Variants in TBC1D9 observed in about 807,000 individuals in gnomAD.
TBC1D9 encodes TBC1 domain family member 9.
Under a neutral mutation model 132.0 loss-of-function variants are expected in TBC1D9, and 63 were observed. That is an observed-to-expected ratio of 0.48 (90% CI 0.39 to 0.59). The LOEUF is 0.59. Among genes scored for constraint, TBC1D9 ranks in the 20% least tolerant of loss-of-function variants. The pLI is 0.00. For synonymous variants in TBC1D9, 610 were observed against 609.9 expected, an observed-to-expected ratio of 1.00 and a Z score of 0.00; for missense variants, 1,261 against 1,592.7, an observed-to-expected ratio of 0.79 and a Z score of 3.54.
chr4:140,730,741 A>G (rs1238414606), intron 1 of TBC1D9, among the ~76,000 whole-genome samples: 1 of 152,166 alleles, frequency 6.6e-6, no homozygotes, highest in Non-Finnish European at 1.5e-5. Context: ...AACAAAAATA[A>G]AAACAAACAA....
At chr4:140,742,861 G>A (rs1055975601) in intron 1 of TBC1D9, among the ~76,000 whole-genome samples, 3 of 151,428 alleles carry the variant, frequency 2.0e-5, no homozygotes, top group African/African-American at 4.8e-5. Context: ...AAGAAAGAAG[G>A]TGCAGGGGCA....
intron 1 of TBC1D9, among the ~76,000 whole-genome samples, chr4:140,745,228 G>A (rs1044478657): frequency 3.3e-5 from 5 of 152,196 alleles, no homozygotes; most frequent in African/African-American, 1.2e-4. Flanking sequence ...TTGAGAATGT[G>A]CCTTGGACCA....
chr4:140,686,948 C>G (rs1396434167), intron 2 of TBC1D9, among the ~76,000 whole-genome samples: 1 of 152,018 alleles, frequency 6.6e-6, no homozygotes, highest in African/African-American at 2.4e-5. Flanking sequence ...TCACTCACTT[C>G]AATTATGAAT....
At chr4:140,711,866 A>G (rs1389158493) in intron 1 of TBC1D9, among the ~76,000 whole-genome samples, 6 of 152,220 alleles carry the variant, frequency 3.9e-5, no homozygotes, top group African/African-American at 1.2e-4. Context: ...AGAATACAAA[A>G]CTAAATATGA....
chr4:140,681,506 T>C (rs1737702372), intron 3 of TBC1D9, among the ~76,000 whole-genome samples: 2 of 152,192 alleles, frequency 1.3e-5, no homozygotes, highest in Admixed American at 6.5e-5. Context: ...AAAGTAAGCA[T>C]GTAGACAATA....
intron 9 of TBC1D9, 37 bp from the exon 10 acceptor site, chr4:140,662,144 G>A (rs774424787): frequency 2.6e-6 from 4 of 1,547,052 alleles, no homozygotes; most frequent in South Asian, 2.2e-5. Flanking sequence ...TCAAAAACGT[G>A]AGAGCTCTGC....
At chr4:140,733,812 C>T in intron 1 of TBC1D9, among the ~76,000 whole-genome samples, 1 of 152,138 alleles carries the variant, frequency 6.6e-6, no homozygotes, top group East Asian at 1.9e-4. Flanking sequence ...AAGCAATAGT[C>T]ATTCTGTTTC....
In TBC1D9 at chr4:140,743,954, G is replaced by A. The variant is rs373433834; in HGVS notation, c.130+11962C>T. On this transcript the variant is annotated intron_variant, in intron 1 of 20. Transcript: ENST00000442267. ...TTTTCTTGCCTAGTTTTTGTGGCCA[G>A]TTTACAAACACCCAGAAGTTGTTAA... 5.3e-5 allele frequency among the ~76,000 whole-genome samples: 8 copies of A among 152,102 alleles called. No individual in the cohort carries two copies. In the East Asian group the frequency reaches 9.6e-4, roughly 18 times the overall value.
Position 140,679,608 on chromosome 4 carries a change from G to C in TBC1D9, c.589+7C>G, listed in dbSNP as rs1737675151. Reference sequence around the variant, plus strand: ...AAAGTTTCCTGCTGAAATTTTAGATGACTTACCTTCCCTTCCCATAAGAAA... The same window carrying C: ...AAAGTTTCCTGCTGAAATTTTAGATCACTTACCTTCCCTTCCCATAAGAAA... On this transcript the variant is annotated splice_region_variant and intron_variant, in intron 4 of 20. Transcript: ENST00000442267. 6.2e-7 allele frequency: 1 copy of C among 1,605,558 alleles called. No homozygotes were observed. Among genetic ancestry groups the C allele is most frequent in the Non-Finnish European group, 8.5e-7 (1 of 1,173,580 alleles).
Position 140,621,961 on chromosome 4 carries a change from TAA to T in TBC1D9, c.*232_*233del, listed in dbSNP as rs1280999641. 1 of 473,070 alleles carries T rather than the reference TAA, an allele frequency of 2.1e-6. No individual in the cohort carries two copies. Among genetic ancestry groups the T allele is most frequent in the Non-Finnish European group, 3.5e-6 (1 of 288,462 alleles). The allele number at this position is 473,070 out of a possible 1,614,324, so 29.3% of individuals were successfully genotyped here. A position where few individuals can be genotyped will look rare whatever the true frequency, so the allele number is the denominator to read the frequency against. On this transcript the variant is annotated 3_prime_UTR_variant, in exon 21 of 21. Coordinates refer to ENST00000442267, the MANE Select transcript of TBC1D9 (RefSeq NM_015130.3). ...TTTTTGTTTTTTAGAATTCACGAAA[TAA>T]ACTGTATTCTGGTAAATCCCCTCCC...
chr4:140,623,308 T>G (rs1736653656), intron 20 of TBC1D9, among the ~76,000 whole-genome samples: 1 of 152,130 alleles, frequency 6.6e-6, no homozygotes, highest in Non-Finnish European at 1.5e-5. Flanking sequence ...GGCTAAGTGA[T>G]CCTCCTGCCT....
intron 1 of TBC1D9, among the ~76,000 whole-genome samples, chr4:140,728,377 T>G (rs529399696): frequency 4.7e-4 from 69 of 146,856 alleles, no homozygotes; most frequent in Non-Finnish European, 8.0e-4. Flanking sequence ...TGGGTTATAT[T>G]AAAAAATTTT....
chr4:140,623,113 C>A (rs946062457), intron 20 of TBC1D9, among the ~76,000 whole-genome samples, 196 bp from the exon 21 acceptor site: 2 of 152,156 alleles, frequency 1.3e-5, no homozygotes, highest in East Asian at 1.9e-4. Flanking sequence ...GAGACAGGGT[C>A]TCTCTTTGTC....
At chr4:140,712,028 CAA>C (rs1446526091) in intron 1 of TBC1D9, 3 of 151,984 alleles carry the variant, frequency 2.0e-5, no homozygotes, top group Admixed American at 2.0e-4. Flanking sequence ...TTTTTTTACT[CAA>C]AGAGAGCTCA....
Position 140,622,459 on chromosome 4 carries a change from G to A in TBC1D9, c.3537C>T (p.His1179=). Residue 1179 remains histidine (H), a synonymous_variant, in exon 21 of 21, where the codon CAC becomes CAT. Transcript: ENST00000442267. ...SAGSHEEDKL[H]CEDIGEDTVL... ...CCGTGTCCTCTCCGATGTCCTCGCA[G>A]TGCAGCTTGTCCTCCTCGTGGGAGC... is the stretch of plus-strand genomic sequence containing the variant. 1.2e-6 allele frequency: 2 copies of A among 1,614,028 alleles called. No homozygotes were observed. The highest frequency in any genetic ancestry group is 1.7e-6 in the Non-Finnish European group (2 of 1,179,896).
chr4:140,640,441 G>C (rs1736967160), intron 13 of TBC1D9, among the ~76,000 whole-genome samples: 2 of 113,702 alleles, frequency 1.8e-5, no homozygotes, highest in South Asian at 6.6e-4. Context: ...TCTTAGGGTG[G>C]TGGGGTGGGG....
intron 1 of TBC1D9, among the ~76,000 whole-genome samples, chr4:140,716,267 G>A (rs920930956): frequency 4.6e-5 from 7 of 152,152 alleles, no homozygotes; most frequent in African/African-American, 1.7e-4. Context: ...AAGGAGGATT[G>A]CTTGAGCCCA....
intron 9 of TBC1D9, among the ~76,000 whole-genome samples, chr4:140,667,654 C>A (rs1309132066): frequency 3.9e-5 from 6 of 152,086 alleles, no homozygotes; most frequent in African/African-American, 1.4e-4. Flanking sequence ...ATCCCAGCAC[C>A]TGGGAGGCTG....
rs370298152 is a variant in TBC1D9 at position 140,732,302 on chromosome 4, G to A, written c.130+23614C>T. ...ACCTCCAAGACATCAAGTCTCCATG[G>A]ACAGTTGCTTGTCTTTGTCAGAGAC... On this transcript the variant is annotated intron_variant, in intron 1 of 20. Coordinates refer to ENST00000442267, the MANE Select transcript of TBC1D9 (RefSeq NM_015130.3). 1.0e-3 allele frequency among the ~76,000 whole-genome samples: 155 copies of A among 152,190 alleles called. 1 individual carries two copies. The highest frequency in any genetic ancestry group is 3.4e-3 in the Middle Eastern group (1 of 294).
Sources: gnomAD v4.1 joint callset for allele counts (sites outside exome capture counted in the v4.1 genomes callset) on GRCh38, gnomAD v4.1.1 for gene constraint, MANE v1.5 for transcripts, NCBI Gene and HGNC (gene_info 2026-07-23, HGNC 2026-07-21) for gene names.